The following POFUT3 variants were observed in gnomAD, a reference collection of about 807,000 sequenced individuals.
The protein encoded by POFUT3 is protein O-fucosyltransferase 3, also known as GDP-fucose protein O-fucosyltransferase 3.
At chr8:33,436,778 C>T in the POFUT3 span, 3 of 508,288 alleles carry the variant, frequency 5.9e-6, no homozygotes, top group African/African-American at 3.9e-5. Flanking sequence ...GCTAAAATAG[C>T]GGCCAATTTT....
the POFUT3 span, among the ~76,000 whole-genome samples, chr8:33,379,993 A>ACTATATATATACTATATATATATAG: frequency 1.4e-5 from 1 of 71,378 alleles, no homozygotes; most frequent in African/African-American, 7.9e-5. Context: ...TATATATAGT[A>ACTATATATATACTATATATATATAG]TATATATATA....
At chr8:33,438,606 T>C in the POFUT3 span, among the ~76,000 whole-genome samples, 15 of 152,166 alleles carry the variant, frequency 9.9e-5, no homozygotes, top group African/African-American at 3.6e-4. Context: ...CGTACCAGTC[T>C]GTTTTCACAC....
chr8:33,382,241 G>A, the POFUT3 span, among the ~76,000 whole-genome samples: 20 of 151,426 alleles, frequency 1.3e-4, no homozygotes, highest in African/African-American at 3.9e-4. Flanking sequence ...GCAGTGAGCC[G>A]AGATCACACC....
chr8:33,388,328 T>TC, the POFUT3 span, among the ~76,000 whole-genome samples: 1 of 134,626 alleles, frequency 7.4e-6, no homozygotes, highest in African/African-American at 2.8e-5. Context: ...TAAGCAGAAC[T>TC]CTTTTTTTTT....
chr8:33,470,201 A>G, the POFUT3 span, among the ~76,000 whole-genome samples: 1 of 144,478 alleles, frequency 6.9e-6, no homozygotes, highest in Non-Finnish European at 1.5e-5. Flanking sequence ...GGAGTTCAAG[A>G]CCAGCCTAGG....
At chr8:33,375,776 G>A in the POFUT3 span, among the ~76,000 whole-genome samples, 9 of 152,118 alleles carry the variant, frequency 5.9e-5, no homozygotes, top group Admixed American at 2.0e-4. Flanking sequence ...CAGCACTTTC[G>A]GAGGCCAAGG....
At chr8:33,461,761 A>G in the POFUT3 span, 11 of 835,196 alleles carry the variant, frequency 1.3e-5, no homozygotes, top group African/African-American at 1.9e-4. Context: ...CATAGCGCAG[A>G]TTTAATAAAT....
chr8:33,417,818 A>C, the POFUT3 span, among the ~76,000 whole-genome samples: 1 of 152,046 alleles, frequency 6.6e-6, no homozygotes, highest in Non-Finnish European at 1.5e-5. Flanking sequence ...AAGAAAGGAG[A>C]AGGAAGGCAG....
chr8:33,462,170 A>AG, the POFUT3 span, among the ~76,000 whole-genome samples: 7 of 3,348 alleles, frequency 2.1e-3, 2 homozygotes, highest in Admixed American at 5.1e-3. Context: ...AGGGGAAGGG[A>AG]CCAGAGTGGT....
chr8:33,350,254 C>G, the POFUT3 span, among the ~76,000 whole-genome samples: 1 of 152,136 alleles, frequency 6.6e-6, no homozygotes, highest in Non-Finnish European at 1.5e-5. Context: ...TGTGCAGAAG[C>G]TTTTTATTAA....
At chr8:33,422,035 CA>C in the POFUT3 span, among the ~76,000 whole-genome samples, 1 of 151,058 alleles carries the variant, frequency 6.6e-6, no homozygotes, top group Admixed American at 6.6e-5. Context: ...AAAACAAAAA[CA>C]AAAACAAAAA....
chr8:33,451,369 TGTGTATGTATGTAA>T, the POFUT3 span, among the ~76,000 whole-genome samples: 1 of 152,068 alleles, frequency 6.6e-6, no homozygotes, highest in African/African-American at 2.4e-5. Flanking sequence ...AATTACAGTA[TGTGTATGTATGTAA>T]GTGTATGTAT....
chr8:33,460,482 A>C, the POFUT3 span, among the ~76,000 whole-genome samples: 2 of 152,258 alleles, frequency 1.3e-5, no homozygotes, highest in Non-Finnish European at 2.9e-5. Context: ...TTGGTCTAGA[A>C]GCACATGTCA....
chr8:33,466,725 A>G, the POFUT3 span, among the ~76,000 whole-genome samples: 1 of 152,172 alleles, frequency 6.6e-6, no homozygotes, highest in Non-Finnish European at 1.5e-5. Flanking sequence ...AGAGAGCACT[A>G]TGAAGGACAG....
chr8:33,341,434 CAAAAAAA>C, the POFUT3 span, among the ~76,000 whole-genome samples: 9 of 52,392 alleles, frequency 1.7e-4, no homozygotes, highest in African/African-American at 5.0e-4. Context: ...GACTCCATCT[CAAAAAAA>C]AAAAAAAAAA....
chr8:33,445,958 T>C, the POFUT3 span, among the ~76,000 whole-genome samples: 1 of 152,148 alleles, frequency 6.6e-6, no homozygotes, highest in African/African-American at 2.4e-5. Flanking sequence ...TCCAACCACC[T>C]GCCAGGTTCA....
chr8:33,420,038 G>A, the POFUT3 span, among the ~76,000 whole-genome samples: 1 of 152,084 alleles, frequency 6.6e-6, no homozygotes, highest in Non-Finnish European at 1.5e-5. Flanking sequence ...TGAGGTGGGA[G>A]GATCACCTGA....
At chr8:33,357,965 G>A in the POFUT3 span, among the ~76,000 whole-genome samples, 2 of 152,210 alleles carry the variant, frequency 1.3e-5, no homozygotes, top group Non-Finnish European at 2.9e-5. Flanking sequence ...TACAAGACAA[G>A]GCTGGGCACA....
chr8:33,471,652 ATTC>A, the POFUT3 span, among the ~76,000 whole-genome samples: 1 of 152,220 alleles, frequency 6.6e-6, no homozygotes, highest in Non-Finnish European at 1.5e-5. Context: ...TCCAAACTAT[ATTC>A]TTTTTACTTC....
Sources: allele counts gnomAD v4.1 joint callset (sites outside exome capture counted in the v4.1 genomes callset), GRCh38; gene constraint gnomAD v4.1.1; transcripts MANE v1.5; gene names NCBI Gene and HGNC (gene_info 2026-07-23, HGNC 2026-07-21).